ZNF595: variants seen among roughly 807,000 people sequenced by gnomAD.
ZNF595 encodes zinc finger protein 595.
A neutral mutation model predicts 19.4 loss-of-function variants in ZNF595; 9 were observed. That is an observed-to-expected ratio of 0.46 (90% confidence interval 0.28 to 0.81). The LOEUF (loss-of-function observed/expected upper bound fraction) is 0.81, where lower values mean the gene tolerates loss of function less well. Among genes scored for constraint, ZNF595 ranks in the 30% least tolerant of loss-of-function variants. ZNF595 has a pLI of 0.11. For synonymous variants in ZNF595, 255 were observed against 255.9 expected, an observed-to-expected ratio of 1.00 and a Z score of 0.03; for missense variants, 729 against 736.0, an observed-to-expected ratio of 0.99 and a Z score of 0.11.
chr4:66,346 G>A (rs1389364231), intron 3 of ZNF595, among the ~76,000 whole-genome samples: 23 of 141,848 alleles, frequency 1.6e-4, no homozygotes, highest in Admixed American at 9.8e-4. Context: ...TTTTTTTTTG[G>A]AGTTGTTCTG....
At chr4:70,208 A>G (rs1713369495) in intron 3 of ZNF595, among the ~76,000 whole-genome samples, 1 of 152,186 alleles carries the variant, frequency 6.6e-6, no homozygotes, top group South Asian at 2.1e-4. Flanking sequence ...TTGAATCCCT[A>G]CAGTTTGAGG....
At chr4:72,016 T>C (rs1371364646) in intron 3 of ZNF595, among the ~76,000 whole-genome samples, 8 of 152,158 alleles carry the variant, frequency 5.3e-5, no homozygotes, top group Non-Finnish European at 1.0e-4. Flanking sequence ...GGAGGATCTA[T>C]ATCATAGGAT....
At chr4:73,015 A>G (rs2108755686) in intron 3 of ZNF595, among the ~76,000 whole-genome samples, 1 of 152,282 alleles carries the variant, frequency 6.6e-6, no homozygotes, top group African/African-American at 2.4e-5. Context: ...CCACAGGCAG[A>G]TGCAGTGAGA....
Position 77,566 on chromosome 4 carries a change from TCTC to T in ZNF595, c.227-8162_227-8160del, listed in dbSNP as rs1168790294. Among the ~76,000 whole-genome samples the T allele has an allele frequency of 2.0e-5, 3 of 152,136 alleles. No individual in the cohort carries two copies. In the East Asian group the frequency reaches 5.8e-4, roughly 29 times the overall value. The stretch of plus-strand genomic sequence containing the variant: ...ACAGACTAGTTGGGAGGTAAATACT[TCTC>T]CTGTTTGATCTCTGGGCTGATGATA... On this transcript the variant is annotated intron_variant, in intron 3 of 3. Transcript: ENST00000610261.
At chr4:76,666 A>T (rs1713672565) in intron 3 of ZNF595, among the ~76,000 whole-genome samples, 2 of 152,150 alleles carry the variant, frequency 1.3e-5, no homozygotes, top group South Asian at 2.1e-4. Context: ...ATCTGAGAAT[A>T]TCTCGATTCA....
intron 3 of ZNF595, among the ~76,000 whole-genome samples, chr4:64,548 G>A (rs1713002605): frequency 6.6e-6 from 1 of 152,310 alleles, no homozygotes; most frequent in Admixed American, 6.5e-5. Flanking sequence ...GAGGCCAGGA[G>A]TTCCAGACTA....
chr4:61,990 C>T lies in ZNF595; in HGVS notation c.226+1837C>T, dbSNP rs1158978517. Among the ~76,000 whole-genome samples, 115 of 136,196 alleles carry T rather than the reference C, an allele frequency of 8.4e-4. 1 individual carries two copies. Among genetic ancestry groups the T allele is most frequent in the African/African-American group, 3.1e-3 (109 of 35,154 alleles). The allele number at this position is 136,196 out of a possible 152,430, so 89.3% of individuals were successfully genotyped here. ...GTCAAGTTGATGAACACATTTATTA[C>T]CTCACATAGATAACCATTTTTTTTT... On this transcript the variant is annotated intron_variant, in intron 3 of 3. Coordinates refer to ENST00000610261, the MANE Select transcript of ZNF595 (RefSeq NM_182524.4).
intron 3 of ZNF595, among the ~76,000 whole-genome samples, chr4:66,940 T>A (rs1713143880): frequency 6.7e-6 from 1 of 148,968 alleles, no homozygotes; most frequent in African/African-American, 2.5e-5. Context: ...CATGTAAAAG[T>A]TAAGAATTGT....
At chr4:72,028 G>A (rs2108755198) in intron 3 of ZNF595, among the ~76,000 whole-genome samples, 1 of 152,222 alleles carries the variant, frequency 6.6e-6, no homozygotes, top group African/African-American at 2.4e-5. Context: ...TCATAGGATG[G>A]CCTAACTTGC....
intron 3 of ZNF595, among the ~76,000 whole-genome samples, chr4:84,984 T>A (rs1714073178): frequency 6.6e-6 from 1 of 152,208 alleles, no homozygotes; most frequent in Non-Finnish European, 1.5e-5. Context: ...AACATCTGTT[T>A]GTTATTTGAA....
chr4:66,256 A>G (rs1429510856), intron 3 of ZNF595, among the ~76,000 whole-genome samples: 3 of 150,420 alleles, frequency 2.0e-5, no homozygotes, highest in Non-Finnish European at 4.4e-5. Context: ...TAAAGATTAG[A>G]ATTTTTTTTC....
At chr4:69,318 A>G (rs1261925520) in intron 3 of ZNF595, among the ~76,000 whole-genome samples, 8 of 152,314 alleles carry the variant, frequency 5.3e-5, no homozygotes, top group African/African-American at 1.4e-4. Context: ...AGGAACCTCT[A>G]AGCTGTGCTC....
At chr4:69,822 G>GTA (rs1553797606) in intron 3 of ZNF595, among the ~76,000 whole-genome samples, 1 of 152,124 alleles carries the variant, frequency 6.6e-6, no homozygotes, top group East Asian at 1.9e-4. Flanking sequence ...GCTTGTGGGG[G>GTA]TATTATTCAA....
Position 86,334 on chromosome 4 carries a change from T to C in ZNF595, c.830T>C (p.Ile277Thr). Residue 277 changes from isoleucine (I) to threonine (T), a missense_variant, in exon 4 of 4, where the codon ATT (isoleucine) becomes ACT (threonine). Ile to Thr is a moderately conservative substitution (Grantham distance 89). Around this residue, in one of 2 missense-constraint regions of ZNF595, gnomAD observed 729 missense variants for 675.3 expected, o/e 1.08. Transcript: ENST00000610261. ...RSTTLNEHKK[I>T]HTGEKPYKCK... Reference sequence around the variant, plus strand: ...ACAACACTGAATGAACACAAGAAAATTCATACTGGAGAGAAACCCTACAAA... The same window carrying C: ...ACAACACTGAATGAACACAAGAAAACTCATACTGGAGAGAAACCCTACAAA... The C allele has an allele frequency of 1.2e-6, 2 of 1,613,654 alleles. No individual in the cohort carries two copies. Among genetic ancestry groups the C allele is most frequent in the Admixed American group, 1.7e-5 (1 of 60,004 alleles).
intron 3 of ZNF595, among the ~76,000 whole-genome samples, chr4:78,597 T>C (rs969942178): frequency 8.5e-5 from 13 of 152,254 alleles, no homozygotes; most frequent in Admixed American, 8.5e-4. Flanking sequence ...TTCGATTATA[T>C]GTTCTGTGAG....
chr4:61,095 C>T (rs1166129912), intron 3 of ZNF595, among the ~76,000 whole-genome samples: 1 of 152,326 alleles, frequency 6.6e-6, no homozygotes, highest in Non-Finnish European at 1.5e-5. Context: ...TCCTCACACT[C>T]AAAGGATTGG....
At position 87,006 on chromosome 4, in the gene ZNF595, T is replaced by C. The variant is rs1042253128; in HGVS notation, c.1502T>C (p.Ile501Thr). ...GCAAGCCTGAATGAACATAAGAATA[T>C]TCATACTGGAGAGAAACCCTACAAA... ...WSASLNEHKN[I>T]HTGEKPYKCK... Residue 501 changes from isoleucine to threonine, a missense_variant, in exon 4 of 4, where the codon ATT becomes ACT. Ile to Thr is a moderately conservative substitution (Grantham distance 89). Coordinates refer to ENST00000610261, the MANE Select transcript of ZNF595 (RefSeq NM_182524.4). 1 of 1,613,932 alleles carries C rather than the reference T, an allele frequency of 6.2e-7. No homozygotes were observed. The highest frequency in any genetic ancestry group is 1.3e-5 in the African/African-American group (1 of 74,978).
rs77145120 is a variant in ZNF595, at chr4:85,136, T to C, written c.227-595T>C. On this transcript the variant is annotated intron_variant, in intron 3 of 3. Transcript: ENST00000610261. Reference sequence around the variant, plus strand: ...TGTCTTGTCTGGAATTTTGTGTTTGTTTTTCAGTGAAAAGGGATTATTCAT... The same window carrying C: ...TGTCTTGTCTGGAATTTTGTGTTTGCTTTTCAGTGAAAAGGGATTATTCAT... Among the ~76,000 whole-genome samples, 515 of 152,312 alleles carry C rather than the reference T, an allele frequency of 3.4e-3. 4 individuals carry two copies. The highest frequency in any genetic ancestry group is 0.012 in the African/African-American group (503 of 41,566).
At chr4:82,510 G>A (rs984886810) in intron 3 of ZNF595, among the ~76,000 whole-genome samples, 2 of 150,212 alleles carry the variant, frequency 1.3e-5, no homozygotes, top group Non-Finnish European at 3.0e-5. Context: ...TCAGCCTGTC[G>A]AGTAGCTGGG....
Sources: allele counts gnomAD v4.1 joint callset (sites outside exome capture counted in the v4.1 genomes callset), GRCh38; gene constraint gnomAD v4.1.1; regional missense constraint gnomAD v4.1.1; transcripts MANE v1.5; gene names NCBI Gene and HGNC (gene_info 2026-07-23, HGNC 2026-07-21).